MBTPS1: variants seen among roughly 807,000 people sequenced by gnomAD.
The protein encoded by MBTPS1 is membrane-bound transcription factor site-1 protease.
A neutral mutation model predicts 127.8 loss-of-function variants in MBTPS1; 94 were observed. The ratio of observed to expected loss-of-function variants is 0.74; its 90% CI spans 0.62 to 0.87. The LOEUF (loss-of-function observed/expected upper bound fraction) is 0.87. MBTPS1 is among the 40% of genes least tolerant of loss of function. The pLI, the probability that MBTPS1 is intolerant of heterozygous loss-of-function variation, is 0.00. For missense variants in MBTPS1, 1,636 were observed against 1,353.2 expected (o/e 1.21, Z -3.28); for synonymous variants, 632 against 509.4 (o/e 1.24, Z -3.24).
At chr16:84,112,393 T>A (rs1311992951) in intron 1 of MBTPS1, among the ~76,000 whole-genome samples, 5 of 151,650 alleles carry the variant, frequency 3.3e-5, no homozygotes, top group Non-Finnish European at 7.4e-5. Context: ...AATAAATTGG[T>A]TCACTCCTGT....
intron 7 of MBTPS1, 24 bp from the exon 8 acceptor site, chr16:84,090,966 T>C: frequency 1.3e-6 from 2 of 1,499,040 alleles, no homozygotes; most frequent in Non-Finnish European, 1.8e-6. Flanking sequence ...ATTTATTTAA[T>C]GAAAGTATCC....
chr16:84,107,443 CGTGGACTTGCTTGCGTTCCTAAA>C (rs2086340161), intron 1 of MBTPS1, among the ~76,000 whole-genome samples: 1 of 152,096 alleles, frequency 6.6e-6, no homozygotes, highest in Non-Finnish European at 1.5e-5. Context: ...GTTTGGATCT[CGTGGACTTGCTTGCGTTCCTAAA>C]AGGTGAGCTA....
chr16:84,070,842 A>G (rs2085760574), intron 12 of MBTPS1, 66 bp from the exon 13 acceptor site: 13 of 1,296,576 alleles, frequency 1.0e-5, no homozygotes, highest in Non-Finnish European at 1.4e-5. Context: ...CGTGGAAACC[A>G]GAAAAACTCA....
chr16:84,071,728 C>T (rs1156674216), intron 12 of MBTPS1: 1 of 146,790 alleles, frequency 6.8e-6, no homozygotes, highest in Non-Finnish European at 1.5e-5. Flanking sequence ...AATTCAACTA[C>T]ATGAAATGTA....
intron 8 of MBTPS1, among the ~76,000 whole-genome samples, chr16:84,089,955 T>C (rs573842582): frequency 2.6e-5 from 4 of 152,342 alleles, no homozygotes; most frequent in Non-Finnish European, 2.9e-5. Flanking sequence ...GGTATGTTCA[T>C]GCCACTTACA....
chr16:84,099,017 A>G, intron 3 of MBTPS1, 36 bp downstream of exon 3: 1 of 1,462,550 alleles, frequency 6.8e-7, no homozygotes, highest in East Asian at 2.5e-5. Flanking sequence ...CAAAGTAAAC[A>G]GCAGAGAGAA....
intron 1 of MBTPS1, among the ~76,000 whole-genome samples, chr16:84,112,914 G>A (rs1246270233): frequency 7.0e-6 from 1 of 142,918 alleles, no homozygotes; most frequent in Non-Finnish European, 1.5e-5. Context: ...GACAGAGGTT[G>A]CAGTGAGCTG....
At chr16:84,055,467 A>C (rs1240633778) in intron 22 of MBTPS1, among the ~76,000 whole-genome samples, 1 of 152,196 alleles carries the variant, frequency 6.6e-6, no homozygotes, top group East Asian at 1.9e-4. Flanking sequence ...GTGGAGAAGA[A>C]CCTGCCCTAG....
At chr16:84,108,221 C>G (rs894617079) in intron 1 of MBTPS1, among the ~76,000 whole-genome samples, 3 of 152,048 alleles carry the variant, frequency 2.0e-5, no homozygotes, top group Non-Finnish European at 4.4e-5. Context: ...GACAGGCAGA[C>G]AGAGCATGCA....
intron 11 of MBTPS1, among the ~76,000 whole-genome samples, chr16:84,076,279 TA>T (rs200959583): frequency 6.7e-6 from 1 of 148,184 alleles, no homozygotes; most frequent in Non-Finnish European, 1.5e-5. Context: ...TCTAACACAA[TA>T]AAAAATATAT....
At chr16:84,080,485 G>A (rs890941892) in intron 11 of MBTPS1, among the ~76,000 whole-genome samples, 2 of 152,234 alleles carry the variant, frequency 1.3e-5, no homozygotes, top group Non-Finnish European at 2.9e-5. Context: ...CCTGGCAGGA[G>A]CCACCTCTGG....
chr16:84,081,801 T>C lies in MBTPS1; in HGVS notation c.1394A>G (p.Lys465Arg), dbSNP rs754109580. ...GVNMFEQGHG[K>R]LDLLRAYQIL... ...CTGATAGGCTCTGAGCAGATCGAGCTTGCCGTGGCCTTGCTCAAACATGTT... is the reference window on the plus strand; with the variant it reads ...CTGATAGGCTCTGAGCAGATCGAGCCTGCCGTGGCCTTGCTCAAACATGTT... Residue 465 changes from lysine to arginine, a missense_variant, in exon 11 of 23, where the codon AAG (lysine) becomes AGG (arginine). Coordinates refer to ENST00000343411, the MANE Select transcript of MBTPS1 (RefSeq NM_003791.4). The C allele has an allele frequency of 1.6e-5, 25 of 1,527,644 alleles. No homozygotes were observed. The East Asian group carries it at 6.0e-4, about 37-fold the overall frequency. The allele number at this position is 1,527,644 out of a possible 1,614,324, so 94.6% of individuals were successfully genotyped here. A position where few individuals can be genotyped will look rare whatever the true frequency, so the allele number is the denominator to read the frequency against.
At chr16:84,093,093 G>T in intron 6 of MBTPS1, 95 bp downstream of exon 6, 1 of 839,798 alleles carries the variant, frequency 1.2e-6, no homozygotes, top group Non-Finnish European at 2.1e-6. Flanking sequence ...TCACTGACGT[G>T]CACTCCTTTT....
intron 1 of MBTPS1, among the ~76,000 whole-genome samples, chr16:84,114,349 G>A (rs1475266632): frequency 5.9e-5 from 9 of 151,842 alleles, no homozygotes; most frequent in African/African-American, 1.7e-4. Context: ...GTATTAAAAA[G>A]AAAAAAAATT....
chr16:84,080,501 C>T (rs535070367), intron 11 of MBTPS1, among the ~76,000 whole-genome samples: 4 of 152,254 alleles, frequency 2.6e-5, no homozygotes, highest in Admixed American at 2.6e-4. Flanking sequence ...TCTGGCCCCA[C>T]AGGGCCAGCA....
At chr16:84,084,959 T>G (rs1597330481) in intron 10 of MBTPS1, 24 bp downstream of exon 10, 1 of 1,609,188 alleles carries the variant, frequency 6.2e-7, no homozygotes. Flanking sequence ...TGGGAGCTAC[T>G]GGTCTCTAGG....
At position 84,093,850 on chromosome 16, in the gene MBTPS1, T is replaced by C. The variant is rs759919193; in HGVS notation, c.626-29A>G. 3.5e-6 allele frequency: 5 copies of C among 1,440,106 alleles called. No homozygotes were observed. The Admixed American group carries it at 5.0e-5, about 14-fold the overall frequency. The allele number at this position is 1,440,106 out of a possible 1,614,324, so 89.2% of individuals were successfully genotyped here. On this transcript the variant is annotated intron_variant, in intron 4 of 22. Coordinates refer to ENST00000343411, the MANE Select transcript of MBTPS1 (RefSeq NM_003791.4). ...ATTCGGAAAAGAAAGCAAACACAAT[T>C]ATGTTTGAAGAAATCATCATTTTGG...
intron 18 of MBTPS1, 41 bp downstream of exon 18, chr16:84,065,649 G>C: frequency 7.6e-7 from 1 of 1,311,376 alleles, no homozygotes; most frequent in South Asian, 1.2e-5. Flanking sequence ...AAGGGAGCGA[G>C]AGAAAGAAGA....
chr16:84,062,524 G>T (rs1252737977), intron 19 of MBTPS1, among the ~76,000 whole-genome samples: 3 of 152,142 alleles, frequency 2.0e-5, no homozygotes, highest in South Asian at 2.1e-4. Flanking sequence ...ACACCTCTCA[G>T]CGCACGCTGT....
Sources: allele counts gnomAD v4.1 joint callset (sites outside exome capture counted in the v4.1 genomes callset), GRCh38; gene constraint gnomAD v4.1.1; transcripts MANE v1.5; gene names NCBI Gene and HGNC (gene_info 2026-07-23, HGNC 2026-07-21).